The following CCDC73 variants were observed in gnomAD, a reference collection of about 807,000 sequenced individuals.
CCDC73 encodes coiled-coil domain-containing protein 73.
CCDC73 carries 95 observed loss-of-function variants against 116.5 expected under a neutral mutation model. The observed-to-expected ratio is 0.82, with a 90% CI of 0.69 to 0.97. CCDC73 has a LOEUF of 0.97. CCDC73 is among the 50% of genes least tolerant of loss of function. The pLI is 0.00. For synonymous variants in CCDC73, 398 were observed against 401.3 expected, an observed-to-expected ratio of 0.99 and a Z score of 0.10; for missense variants, 1,066 against 1,206.8, an observed-to-expected ratio of 0.88 and a Z score of 1.73.
chr11:32,666,147 C>T (rs1348251417), intron 9 of CCDC73, among the ~76,000 whole-genome samples: 1 of 152,062 alleles, frequency 6.6e-6, no homozygotes, highest in African/African-American at 2.4e-5. Flanking sequence ...CTTGGAGTTG[C>T]TCTTCTCAAA....
chr11:32,815,784 A>G, the CCDC73 span, among the ~76,000 whole-genome samples: 1 of 152,028 alleles, frequency 6.6e-6, no homozygotes, highest in Non-Finnish European at 1.5e-5. Flanking sequence ...TCTAAGGAAC[A>G]TTTTTTCCAG....
chr11:32,797,207 G>C (rs147205998), upstream of CCDC73, among the ~76,000 whole-genome samples: 175 of 152,190 alleles, frequency 1.1e-3, no homozygotes, highest in African/African-American at 4.1e-3. Context: ...AGTTGCTTTG[G>C]AGGCTGAGGC....
chr11:32,608,498 T>C (rs1245873822), intron 17 of CCDC73, among the ~76,000 whole-genome samples: 1 of 152,170 alleles, frequency 6.6e-6, no homozygotes, highest in Non-Finnish European at 1.5e-5. Flanking sequence ...CCCCTGTGGC[T>C]TTGCAGGGTA....
chr11:32,745,851 C>A (rs1039594078), intron 2 of CCDC73, among the ~76,000 whole-genome samples: 11 of 149,402 alleles, frequency 7.4e-5, no homozygotes, highest in African/African-American at 2.7e-4. Flanking sequence ...TTGAATACAA[C>A]ACACTGATGG....
intron 1 of CCDC73, among the ~76,000 whole-genome samples, chr11:32,768,689 A>T (rs1276009113): frequency 1.3e-5 from 2 of 152,166 alleles, no homozygotes; most frequent in African/African-American, 4.8e-5. Context: ...ATTCTGGAAG[A>T]ATACACTTAG....
At chr11:32,716,236 G>A (rs375976892) in intron 3 of CCDC73, among the ~76,000 whole-genome samples, 2 of 152,010 alleles carry the variant, frequency 1.3e-5, no homozygotes, top group African/African-American at 4.8e-5. Context: ...TAGGAATCTG[G>A]CTTTTTCTTC....
chr11:32,611,464 T>C (rs751894030), intron 16 of CCDC73, among the ~76,000 whole-genome samples, 199 bp from the exon 17 acceptor site: 6 of 152,242 alleles, frequency 3.9e-5, no homozygotes, highest in Non-Finnish European at 8.8e-5. Flanking sequence ...GATTTTATTA[T>C]TGCTACTTTC....
chr11:32,611,125 G>T lies in CCDC73; in HGVS notation c.3030+7C>A, dbSNP rs1855418126. On this transcript the variant is annotated splice_region_variant and intron_variant, in intron 17 of 17. Transcript: ENST00000335185. ...GGTCTGCTCGGCAATATTTTTAATT[G>T]ACTTACATGTTCTGTGGGAAAAGAG... The T allele has an allele frequency of 1.9e-6, 3 of 1,613,272 alleles. No homozygotes were observed. In the South Asian group the frequency reaches 3.3e-5, roughly 18 times the overall value.
At chr11:32,766,876 G>A (rs1477709251) in intron 1 of CCDC73, among the ~76,000 whole-genome samples, 4 of 152,128 alleles carry the variant, frequency 2.6e-5, no homozygotes, top group East Asian at 1.9e-4. Flanking sequence ...AATCAATATC[G>A]TGAAAATGGC....
Position 32,607,153 on chromosome 11 carries a change from C to T in CCDC73, c.3030+3979G>A, listed in dbSNP as rs577205857. ...TGTCGCCCAGGCTGGAGTGCAGTGGCGGGATCTCGGCTCACTGCAAGCTCC... is the reference window on the plus strand; with the variant it reads ...TGTCGCCCAGGCTGGAGTGCAGTGGTGGGATCTCGGCTCACTGCAAGCTCC... On this transcript the variant is annotated intron_variant, in intron 17 of 17. Transcript: ENST00000335185. Among the ~76,000 whole-genome samples, 9 of 120,196 alleles carry T rather than the reference C, an allele frequency of 7.5e-5. 1 individual carries two copies. The East Asian group carries it at 1.7e-3, about 23-fold the overall frequency. The allele number at this position is 120,196 out of a possible 152,430, so 78.9% of individuals were successfully genotyped here.
intron 14 of CCDC73, among the ~76,000 whole-genome samples, chr11:32,631,436 T>C (rs1229928835): frequency 1.3e-5 from 2 of 152,320 alleles, no homozygotes; most frequent in African/African-American, 2.4e-5. Flanking sequence ...TAGGAAGATA[T>C]TTGGAATTTT....
chr11:32,774,499 C>T (rs1471513774), intron 1 of CCDC73, among the ~76,000 whole-genome samples: 2 of 152,084 alleles, frequency 1.3e-5, no homozygotes, highest in African/African-American at 2.4e-5. Context: ...TCAAAACTCA[C>T]CTCCTATTTA....
intron 2 of CCDC73, among the ~76,000 whole-genome samples, chr11:32,753,781 T>C (rs1850308483): frequency 6.6e-6 from 1 of 152,068 alleles, no homozygotes; most frequent in Non-Finnish European, 1.5e-5. Context: ...ATAAAATTTC[T>C]TAAGATTTTT....
chr11:32,755,691 A>G lies in CCDC73; in HGVS notation c.135+4418T>C, dbSNP rs1185658988. 1.5e-4 allele frequency among the ~76,000 whole-genome samples: 6 copies of G among 39,500 alleles called. 1 individual carries two copies. The highest frequency in any genetic ancestry group is 3.9e-3 in the East Asian group (2 of 508). The allele number at this position is 39,500 out of a possible 152,430, so 25.9% of individuals were successfully genotyped here. On this transcript the variant is annotated intron_variant, in intron 2 of 17. Coordinates refer to ENST00000335185, the MANE Select transcript of CCDC73 (RefSeq NM_001008391.4). ...TGTGTATATATATATCTCCATATAT[A>G]TGTGTATATATATATCTCCATATAT...
chr11:32,744,137 A>C (rs904594026), intron 2 of CCDC73, among the ~76,000 whole-genome samples: 1 of 152,200 alleles, frequency 6.6e-6, no homozygotes, highest in Admixed American at 6.5e-5. Flanking sequence ...AATTTTGTCA[A>C]AGGCCTTTTC....
intron 11 of CCDC73, among the ~76,000 whole-genome samples, chr11:32,653,675 GAAT>G (rs1222343100): frequency 1.6e-4 from 24 of 152,068 alleles, no homozygotes. Flanking sequence ...TTTAAAAAAT[GAAT>G]AATTGTAAGC....
chr11:32,717,465 G>A (rs915179089), intron 3 of CCDC73, among the ~76,000 whole-genome samples: 1 of 152,114 alleles, frequency 6.6e-6, no homozygotes, highest in Non-Finnish European at 1.5e-5. Flanking sequence ...ATGTAAAATA[G>A]TTTTCAGAGT....
chr11:32,631,665 G>A (rs538888346), intron 14 of CCDC73, among the ~76,000 whole-genome samples: 5 of 151,830 alleles, frequency 3.3e-5, no homozygotes, highest in Non-Finnish European at 5.9e-5. Context: ...GGAAAGGAAG[G>A]AAGGAAAGGA....
chr11:32,610,525 G>C (rs12805291), intron 17 of CCDC73, among the ~76,000 whole-genome samples: 15,130 of 152,116 alleles, frequency 0.099, 936 homozygotes, highest in African/African-American at 0.16. Flanking sequence ...CCTTTTTCTT[G>C]CTTAAAGTTC....
Sources: gnomAD v4.1 joint callset for allele counts (sites outside exome capture counted in the v4.1 genomes callset) on GRCh38, gnomAD v4.1.1 for gene constraint, MANE v1.5 for transcripts, NCBI Gene and HGNC (gene_info 2026-07-23, HGNC 2026-07-21) for gene names.